SLX4: variants seen among roughly 807,000 people sequenced by gnomAD.
The protein encoded by SLX4 is SLX4 structure-specific endonuclease subunit, also known as structure-specific endonuclease subunit SLX4.
A neutral mutation model predicts 146.2 loss-of-function variants in SLX4; 112 were observed. The ratio of observed to expected loss-of-function variants is 0.77; its 90% CI spans 0.66 to 0.90. The LOEUF (loss-of-function observed/expected upper bound fraction) is 0.90. SLX4 is among the 40% of genes least tolerant of loss of function. The pLI is 0.00. For missense variants in SLX4, 2,563 were observed against 2,392.7 expected, an observed-to-expected ratio of 1.07 and a Z score of -1.49; for synonymous variants, 1,061 against 997.7, an observed-to-expected ratio of 1.06 and a Z score of -1.20.
At position 3,583,178 on chromosome 16, in the gene SLX4, T is replaced by C. The variant is rs551385115; in HGVS notation, c.5072A>G (p.Asn1691Ser). The change falls in exon 14 of 15, where the codon AAT becomes AGT. Residue 1691 changes from asparagine to serine, a missense_variant. Coordinates refer to ENST00000294008, the MANE Select transcript of SLX4 (RefSeq NM_032444.4). ...SPTKEAPPGL[N>S]DDAQIPASQE... ...AGAGGCTGGGATCTGGGCGTCATCA[T>C]TGAGGCCTGGAGGTGCCTCCTTGGT... is the stretch of plus-strand genomic sequence containing the variant. 3.5e-5 allele frequency: 56 copies of C among 1,614,238 alleles called. No individual in the cohort carries two copies. The East Asian group carries it at 8.7e-4, about 25-fold the overall frequency.
chr16:3,594,972 C>A (rs2040634669), intron 9 of SLX4, among the ~76,000 whole-genome samples: 1 of 152,206 alleles, frequency 6.6e-6, no homozygotes, highest in African/African-American at 2.4e-5. Context: ...CGGACAAGCA[C>A]CCTGAGTCCA....
At chr16:3,595,805 C>T (rs920630324) in intron 8 of SLX4, 112 bp from the exon 9 acceptor site, 30 of 1,242,758 alleles carry the variant, frequency 2.4e-5, no homozygotes, top group Non-Finnish European at 3.3e-5. Flanking sequence ...TCGGAAGGTG[C>T]TTGCTATCCG....
chr16:3,583,654 T>C (rs2040471012), intron 13 of SLX4, 144 bp from the exon 14 acceptor site: 1 of 884,092 alleles, frequency 1.1e-6, no homozygotes, highest in Non-Finnish European at 1.8e-6. Context: ...TCTGTGAGCA[T>C]CAGAGGTTAG....
chr16:3,601,425 T>C, intron 4 of SLX4: 2 of 561,116 alleles, frequency 3.6e-6, no homozygotes, highest in Non-Finnish European at 6.4e-6. Flanking sequence ...AGTTACATGA[T>C]GACTTAGAAA....
chr16:3,600,956 T>C (rs775510382), intron 5 of SLX4, 23 bp downstream of exon 5: 1 of 1,612,042 alleles, frequency 6.2e-7, no homozygotes, highest in East Asian at 2.2e-5. Flanking sequence ...TTGGCTTGGT[T>C]TTCTTCCTTT....
intron 10 of SLX4, among the ~76,000 whole-genome samples, chr16:3,593,288 G>A (rs982230906): frequency 4.6e-5 from 7 of 152,130 alleles, no homozygotes; most frequent in African/African-American, 1.7e-4. Context: ...GGCCAGGCTG[G>A]TCTTGGAACT....
At chr16:3,586,373 T>C (rs187185662) in intron 12 of SLX4, among the ~76,000 whole-genome samples, 287 of 151,822 alleles carry the variant, frequency 1.9e-3, no homozygotes, top group African/African-American at 6.7e-3. Flanking sequence ...AAAAAAAAAT[T>C]AGCTGGGCAT....
chr16:3,610,714 G>A (rs138017032), intron 1 of SLX4, among the ~76,000 whole-genome samples: 7 of 152,338 alleles, frequency 4.6e-5, no homozygotes, highest in African/African-American at 1.7e-4. Flanking sequence ...CACTTCAGGA[G>A]GGTAGAGATC....
rs904007909 is a variant in SLX4, at chr16:3,597,828, A to C, written c.1335T>G (p.Ser445Arg). The part of the protein sequence containing the change: ...GAAVPALRLE[S>R]AFSERIRPEA... ...CTGGTCTTATCCTCTCAGAAAAGGC[A>C]CTTTCCAGCCTGAGCGCTGGTACAG... is the stretch of plus-strand genomic sequence containing the variant. The change falls in exon 6 of 15, where the codon AGT (serine) becomes AGG (arginine). Residue 445 changes from serine (S) to arginine (R), a missense_variant. Ser to Arg is a moderately radical substitution (Grantham distance 110). Coordinates refer to ENST00000294008, the MANE Select transcript of SLX4 (RefSeq NM_032444.4). This position sits in a 1 kb window ranked among gnomAD's most constrained non-coding sequence, Gnocchi z 4.4. The C allele has an allele frequency of 5.6e-6, 9 of 1,613,958 alleles. No homozygotes were observed. Among genetic ancestry groups the C allele is most frequent in the African/African-American group, 4.0e-5 (3 of 74,898 alleles).
At chr16:3,603,905 A>G (rs994193067) in intron 3 of SLX4, among the ~76,000 whole-genome samples, 3 of 152,232 alleles carry the variant, frequency 2.0e-5, no homozygotes, top group Non-Finnish European at 2.9e-5. Flanking sequence ...GGGAAATCTT[A>G]TAATACAATT....
chr16:3,590,971 T>C lies in SLX4; in HGVS notation c.2667A>G (p.Gln889=), dbSNP rs146790631. The C allele has an allele frequency of 1.0e-4, 166 of 1,613,934 alleles. No individual in the cohort carries two copies. In the African/African-American group the frequency reaches 2.2e-3, roughly 21 times the overall value. The change falls in exon 12 of 15, where the codon CAA becomes CAG. Residue 889 remains glutamine (Q), a synonymous_variant. Coordinates refer to ENST00000294008, the MANE Select transcript of SLX4 (RefSeq NM_032444.4). The surrounding 1 kb of genome is among the most constrained non-coding windows in gnomAD (Gnocchi z 4.8). The part of the protein sequence containing the change: ...WLEGGSPVSG[Q]LLAGVQVQKQ... Reference sequence around the variant, plus strand: ...TCTGCACCTGGACACCTGCTAGGAGTTGCCCAGAAACCGGACTGCCACCCT... The same window carrying C: ...TCTGCACCTGGACACCTGCTAGGAGCTGCCCAGAAACCGGACTGCCACCCT...
At chr16:3,601,939 G>A (rs994971288) in intron 4 of SLX4, 179 bp downstream of exon 4, 6 of 679,136 alleles carry the variant, frequency 8.8e-6, no homozygotes, top group Non-Finnish European at 1.5e-5. Context: ...GTTTAAATGG[G>A]TGAACTATAT....
At chr16:3,598,027 C>A (rs932820093) in intron 5 of SLX4, 28 bp from the exon 6 acceptor site, 2 of 1,613,888 alleles carry the variant, frequency 1.2e-6, no homozygotes, top group Admixed American at 3.3e-5. Flanking sequence ...AGAAAAGTTA[C>A]TGGGGCTAGA....
chr16:3,605,443 G>A (rs1028303703), intron 3 of SLX4, among the ~76,000 whole-genome samples: 3 of 151,704 alleles, frequency 2.0e-5, no homozygotes, highest in Admixed American at 1.3e-4. Context: ...GGCTGGTCTC[G>A]AACTTGTGAC....
rs984207070 is a variant in SLX4 at position 3,597,094 on chromosome 16, T to G, written c.1683+285A>C. On this transcript the variant is annotated intron_variant, in intron 7 of 14. Transcript: ENST00000294008. The surrounding 1 kb of genome is among the most constrained non-coding windows in gnomAD (Gnocchi z 4.4). ...CCTCAGCCTCCCAAAGTGCAGGGAT[T>G]ACGGGCGTGAGCCACTGCGCCCGGC... is the stretch of plus-strand genomic sequence containing the variant. Among the ~76,000 whole-genome samples, 25 of 152,276 alleles carry G rather than the reference T, an allele frequency of 1.6e-4. No homozygotes were observed. Among genetic ancestry groups the G allele is most frequent in the African/African-American group, 5.8e-4 (24 of 41,560 alleles).
At chr16:3,608,368 A>G in intron 2 of SLX4, 62 bp downstream of exon 2, 1 of 1,592,894 alleles carries the variant, frequency 6.3e-7, no homozygotes, top group South Asian at 1.1e-5. Flanking sequence ...AAGCCAAAAT[A>G]TTTACGATCT....
Position 3,595,579 on chromosome 16 carries a change from G to A in SLX4, c.2013+26C>T, listed in dbSNP as rs752594961. 24 of 1,612,466 alleles carry A rather than the reference G, an allele frequency of 1.5e-5. 1 individual carries two copies. The South Asian group carries it at 2.1e-4, about 14-fold the overall frequency. ...GGCAAGTGGGATGGCCGGGACCAGA[G>A]AGCGCGGGCCAGAGCCAGTTCTTAC... On this transcript the variant is annotated intron_variant, in intron 9 of 14. Coordinates refer to ENST00000294008, the MANE Select transcript of SLX4 (RefSeq NM_032444.4).
At chr16:3,599,681 G>A (rs1300303138) in intron 5 of SLX4, among the ~76,000 whole-genome samples, 2 of 152,182 alleles carry the variant, frequency 1.3e-5, no homozygotes, top group Non-Finnish European at 2.9e-5. Flanking sequence ...TGGCCTCCCA[G>A]GCTCAAGTGA....
intron 9 of SLX4, among the ~76,000 whole-genome samples, chr16:3,594,987 G>A (rs1397660154): frequency 1.3e-5 from 2 of 152,216 alleles, no homozygotes; most frequent in Non-Finnish European, 2.9e-5. Flanking sequence ...AGTCCAAGCA[G>A]CTCGGGGACC....
Sources: allele counts gnomAD v4.1 joint callset (sites outside exome capture counted in the v4.1 genomes callset), GRCh38; gene constraint gnomAD v4.1.1; non-coding constraint Gnocchi (gnomAD v3.1); transcripts MANE v1.5; gene names NCBI Gene and HGNC (gene_info 2026-07-23, HGNC 2026-07-21).